KCNJ13: variants seen among roughly 807,000 people sequenced by gnomAD.
The protein encoded by KCNJ13 is inward rectifier potassium channel 13.
A neutral mutation model predicts 24.6 loss-of-function variants in KCNJ13; 9 were observed. The observed-to-expected ratio is 0.37, with a 90% CI of 0.22 to 0.64. The LOEUF is 0.64. Ranked by LOEUF, KCNJ13 falls within the 30% of genes least tolerant of loss-of-function variation. The pLI is 0.64. For synonymous variants in KCNJ13, 148 were observed against 154.7 expected (o/e 0.96, Z 0.32); for missense variants, 337 against 443.8 (o/e 0.76, Z 2.16).
At chr2:232,770,777 T>A in intron 2 of KCNJ13, 126 bp downstream of exon 2, 1 of 696,676 alleles carries the variant, frequency 1.4e-6, no homozygotes, top group Non-Finnish European at 2.4e-6. Context: ...CATTACCTGC[T>A]ATCAATATAG....
intron 1 of KCNJ13, among the ~76,000 whole-genome samples, chr2:232,772,154 T>A (rs952905155): frequency 1.1e-4 from 16 of 152,188 alleles, no homozygotes; most frequent in Non-Finnish European, 4.4e-5. Flanking sequence ...TCTCAAGCCA[T>A]CTTCCCACTT....
chr2:232,771,113 C>T lies in KCNJ13; in HGVS notation c.250G>A (p.Asp84Asn). Reference sequence around the variant, plus strand: ...GGGGCATCATGATCTAGTTCCAGATCACCATTCATCTCAGCCAGAACATAC... The same window carrying T: ...GGGGCATCATGATCTAGTTCCAGATTACCATTCATCTCAGCCAGAACATAC... ...LWYVLAEMNG[D>N]LELDHDAPPE... Residue 84 changes from aspartate (D) to asparagine (N), a missense_variant, in exon 2 of 3, where the codon GAT (aspartate) becomes AAT (asparagine). This residue lies in a region of KCNJ13 where 101 missense variants were observed against 139.2 expected (regional missense o/e 0.73). Transcript: ENST00000233826. 1.9e-6 allele frequency: 3 copies of T among 1,614,058 alleles called. No homozygotes were observed. Among genetic ancestry groups the T allele is most frequent in the Non-Finnish European group, 2.5e-6 (3 of 1,179,980 alleles).
rs1262517271 is a variant in KCNJ13 at position 232,771,326 on chromosome 2, G to C, written c.37C>G (p.Leu13Val). 5.0e-6 allele frequency: 8 copies of C among 1,612,520 alleles called. No homozygotes were observed. The East Asian group carries it at 1.8e-4, about 36-fold the overall frequency. ...ACCATCCTCCGGTATCTTTGACTTA[G>C]GAGAGGAGCAATAACTTTGCAATTA... The part of the protein sequence containing the change: ...SSNCKVIAPL[L>V]SQRYRRMVTK... Residue 13 changes from leucine (L) to valine (V), a missense_variant, in exon 2 of 3, where the codon CTA becomes GTA. This residue lies in a region of KCNJ13 where 101 missense variants were observed against 139.2 expected (regional missense o/e 0.73). Transcript: ENST00000233826.
At chr2:232,774,219 C>T (rs1277811525) in intron 1 of KCNJ13, among the ~76,000 whole-genome samples, 1 of 152,018 alleles carries the variant, frequency 6.6e-6, no homozygotes, top group East Asian at 1.9e-4. Flanking sequence ...ATATTGCCTC[C>T]AAAACAGATG....
chr2:232,771,683 G>A (rs1574862031), intron 1 of KCNJ13, among the ~76,000 whole-genome samples: 1 of 152,282 alleles, frequency 6.6e-6, no homozygotes, highest in Non-Finnish European at 1.5e-5. Flanking sequence ...ATACCCCTGT[G>A]TCTTCCTTGC....
chr2:232,773,630 T>C (rs991876600), intron 1 of KCNJ13, among the ~76,000 whole-genome samples: 1 of 152,116 alleles, frequency 6.6e-6, no homozygotes, highest in Non-Finnish European at 1.5e-5. Flanking sequence ...TATTAAACCA[T>C]TGTTAACTTT....
In KCNJ13 at chr2:232,766,008, G is replaced by T; in HGVS notation, c.*2183C>A. On this transcript the variant is annotated 3_prime_UTR_variant, in exon 3 of 3. Coordinates refer to ENST00000233826, the MANE Select transcript of KCNJ13 (RefSeq NM_002242.4). ...AGTGAGCTGCACATCCAGAAAGGCA[G>T]AGCAGCCATTCCTCCCTCCCAGTAA... The T allele has an allele frequency of 2.1e-6, 1 of 471,056 alleles. No homozygotes were observed. The highest frequency in any genetic ancestry group is 4.4e-6 in the Non-Finnish European group (1 of 226,994). The allele number at this position is 471,056 out of a possible 1,614,324, so 29.2% of individuals were successfully genotyped here. A position where few individuals can be genotyped will look rare whatever the true frequency, so the allele number is the denominator to read the frequency against.
chr2:232,767,981 T>C lies in KCNJ13; in HGVS notation c.*210A>G, dbSNP rs925095151. 72 of 569,762 alleles carry C rather than the reference T, an allele frequency of 1.3e-4. No homozygotes were observed. The Admixed American group carries it at 1.9e-3, about 15-fold the overall frequency. 35.3% of individuals were successfully genotyped at this position (569,762 alleles called of 1,614,324 possible). ...TGTCTGTCAAGTTGAGTTACATTGA[T>C]TTCAGCAGGTAACAAACTTTGTAAT... On this transcript the variant is annotated 3_prime_UTR_variant, in exon 3 of 3. Coordinates refer to ENST00000233826, the MANE Select transcript of KCNJ13 (RefSeq NM_002242.4).
In KCNJ13 at chr2:232,767,551, T is replaced by C. The variant is rs1374102113; in HGVS notation, c.*640A>G. On this transcript the variant is annotated 3_prime_UTR_variant, in exon 3 of 3. Transcript: ENST00000233826. ...CTGATCACCTTCTGCCACAAATAAGTGAACATATATGTATGTGTTCGGGTG... is the reference window on the plus strand; with the variant it reads ...CTGATCACCTTCTGCCACAAATAAGCGAACATATATGTATGTGTTCGGGTG... The C allele has an allele frequency of 6.5e-6, 1 of 152,988 alleles. No individual in the cohort carries two copies. The highest frequency in any genetic ancestry group is 1.5e-5 in the Non-Finnish European group (1 of 68,328). 9.5% of individuals were successfully genotyped at this position (152,988 alleles called of 1,614,324 possible). A position where few individuals can be genotyped will look rare whatever the true frequency, so the allele number is the denominator to read the frequency against.
chr2:232,776,187 G>T (rs1699505414), intron 1 of KCNJ13, among the ~76,000 whole-genome samples: 1 of 151,532 alleles, frequency 6.6e-6, no homozygotes, highest in African/African-American at 2.4e-5. Flanking sequence ...ATCCTCTACT[G>T]ATATATTGTA....
chr2:232,768,471 A>G lies in KCNJ13; in HGVS notation c.803T>C (p.Val268Ala), dbSNP rs368221882. Reference sequence around the variant, plus strand: ...CTCCTGCATTGCTGAAAGGAATACAACTAATTCAAAGTGAGAAGGATTTTC... The same window carrying G: ...CTCCTGCATTGCTGAAAGGAATACAGCTAATTCAAAGTGAGAAGGATTTTC... ...QHENPSHFEL[V>A]VFLSAMQEGT... The change falls in exon 3 of 3, where the codon GTT becomes GCT. Residue 268 changes from valine to alanine, a missense_variant. Physicochemically the swap from Val to Ala is moderately conservative, Grantham distance 64. This residue lies in a region of KCNJ13 where 235 missense variants were observed against 286.9 expected (regional missense o/e 0.82). Transcript: ENST00000233826. The G allele has an allele frequency of 3.7e-5, 59 of 1,614,090 alleles. No homozygotes were observed. Among genetic ancestry groups the G allele is most frequent in the Non-Finnish European group, 4.5e-5 (53 of 1,180,026 alleles).
chr2:232,770,844 G>T, intron 2 of KCNJ13, 59 bp downstream of exon 2: 1 of 1,184,972 alleles, frequency 8.4e-7, no homozygotes, highest in Non-Finnish European at 1.2e-6. Context: ...CCAAACACCT[G>T]TAGTTTTGTT....
chr2:232,769,390 G>T, intron 2 of KCNJ13, among the ~76,000 whole-genome samples: 1 of 151,562 alleles, frequency 6.6e-6, no homozygotes, highest in African/African-American at 2.4e-5. Flanking sequence ...AATTAGCTGG[G>T]TCTGGTGGCA....
At position 232,766,566 on chromosome 2, in the gene KCNJ13, G is replaced by A. The variant is rs1210543751; in HGVS notation, c.*1625C>T. The A allele has an allele frequency of 1.3e-5, 2 of 152,194 alleles. No homozygotes were observed. Among genetic ancestry groups the A allele is most frequent in the Non-Finnish European group, 1.5e-5 (1 of 68,104 alleles). The allele number at this position is 152,194 out of a possible 1,614,324, so 9.4% of individuals were successfully genotyped here. On this transcript the variant is annotated 3_prime_UTR_variant, in exon 3 of 3. Transcript: ENST00000233826. The stretch of plus-strand genomic sequence containing the variant: ...TCTTTATGTGTTACAATAGTCTTGG[G>A]TTGGGAAAATCTGTTGGTCTGATTT...
Position 232,767,832 on chromosome 2 carries a change from AAATGAGAGATT to A in KCNJ13, c.*348_*358del. 1 of 268,806 alleles carries A rather than the reference AAATGAGAGATT, an allele frequency of 3.7e-6. No individual in the cohort carries two copies. The highest frequency in any genetic ancestry group is 4.3e-5 in the South Asian group (1 of 23,204). The allele number at this position is 268,806 out of a possible 1,614,324, so 16.7% of individuals were successfully genotyped here. On this transcript the variant is annotated 3_prime_UTR_variant, in exon 3 of 3. Transcript: ENST00000233826. ...AACTGTTGCTTCAATTTGCAGATGAAAATGAGAGATTAATGGTTGATTTTCTTAGAGTTCAG... is the reference window on the plus strand; with the variant it reads ...AACTGTTGCTTCAATTTGCAGATGAAAATGGTTGATTTTCTTAGAGTTCAG...
In KCNJ13 at chr2:232,767,590, C is replaced by T. The variant is rs1699028383; in HGVS notation, c.*601G>A. 1 of 155,222 alleles carries T rather than the reference C, an allele frequency of 6.4e-6. No homozygotes were observed. Among genetic ancestry groups the T allele is most frequent in the Admixed American group, 6.4e-5 (1 of 15,694 alleles). 9.6% of individuals were successfully genotyped at this position (155,222 alleles called of 1,614,324 possible). A position where few individuals can be genotyped will look rare whatever the true frequency, so the allele number is the denominator to read the frequency against. On this transcript the variant is annotated 3_prime_UTR_variant, in exon 3 of 3. Transcript: ENST00000233826. Reference sequence around the variant, plus strand: ...TGTGTTCGGGTGTCATGTTCAAATGCTTTTAGGTTTATGTATAAATCTGTA... The same window carrying T: ...TGTGTTCGGGTGTCATGTTCAAATGTTTTTAGGTTTATGTATAAATCTGTA...
At chr2:232,771,712 C>G (rs1439050896) in intron 1 of KCNJ13, among the ~76,000 whole-genome samples, 1 of 152,170 alleles carries the variant, frequency 6.6e-6, no homozygotes, top group Non-Finnish European at 1.5e-5. Context: ...GGGTGTCAAG[C>G]ATTTATTGAT....
rs903781626 is a variant in KCNJ13 at position 232,767,377 on chromosome 2, T to C, written c.*814A>G. The C allele has an allele frequency of 6.6e-6, 1 of 152,304 alleles. No individual in the cohort carries two copies. Among genetic ancestry groups the C allele is most frequent in the Non-Finnish European group, 1.5e-5 (1 of 68,028 alleles). The allele number at this position is 152,304 out of a possible 1,614,324, so 9.4% of individuals were successfully genotyped here. A position where few individuals can be genotyped will look rare whatever the true frequency, so the allele number is the denominator to read the frequency against. ...TTTATATGATCAAATGAATCATACA[T>C]AGGAGGGGAATGTTTTTACTTAGGT... On this transcript the variant is annotated 3_prime_UTR_variant, in exon 3 of 3. Transcript: ENST00000233826.
In KCNJ13 at chr2:232,768,779, AT is replaced by A. The variant is rs1699091441; in HGVS notation, c.494del (p.Asn165IlefsTer13). ...AFVAKIARPKNRAFSIRFTDT... is the reference protein window; with the variant it reads ...AFVAKIARPKXRAFSIRFTDT... ...CAGTAAAGCGAATTGAAAAAGCTCG[AT>A]TTTTTGGCCGGGCAATCTTCGCCAC... On this transcript the variant is annotated frameshift_variant, in exon 3 of 3. Transcript: ENST00000233826. LOFTEE classifies it high-confidence loss of function. 6.2e-7 allele frequency: 1 copy of A among 1,601,396 alleles called. No individual in the cohort carries two copies. The highest frequency in any genetic ancestry group is 8.5e-7 in the Non-Finnish European group (1 of 1,170,986).
Sources: gnomAD v4.1 joint callset for allele counts (sites outside exome capture counted in the v4.1 genomes callset) on GRCh38, gnomAD v4.1.1 for gene constraint, gnomAD v4.1.1 regional missense constraint, MANE v1.5 for transcripts, NCBI Gene and HGNC (gene_info 2026-07-23, HGNC 2026-07-21) for gene names.